The following AGPAT4 variants were observed in gnomAD, a reference collection of about 807,000 sequenced individuals.
The protein encoded by AGPAT4 is 1-acyl-sn-glycerol-3-phosphate acyltransferase delta.
AGPAT4 carries 15 observed loss-of-function variants against 48.0 expected under a neutral mutation model. The observed-to-expected ratio is 0.31, with a 90% CI of 0.21 to 0.48. The LOEUF is 0.48. AGPAT4 is among the 20% of genes least tolerant of loss of function. The pLI, the probability that AGPAT4 is intolerant of heterozygous loss-of-function variation, is 0.99. For synonymous variants in AGPAT4, 178 were observed against 198.7 expected, an observed-to-expected ratio of 0.90 and a Z score of 0.88; for missense variants, 314 against 482.5, an observed-to-expected ratio of 0.65 and a Z score of 3.27.
intron 2 of AGPAT4, among the ~76,000 whole-genome samples, chr6:161,227,779 C>A (rs192962112): frequency 6.6e-6 from 1 of 152,192 alleles, no homozygotes. Flanking sequence ...CACCACTACA[C>A]GCAGTAGTGT....
chr6:161,200,815 T>A lies in AGPAT4; in HGVS notation c.178+31221A>T, dbSNP rs986139420. On this transcript the variant is annotated intron_variant, in intron 2 of 8. Transcript: ENST00000320285. The surrounding 1 kb of genome is among the most constrained non-coding windows in gnomAD (Gnocchi z 5.5). Reference sequence around the variant, plus strand: ...TGGCTCTTGTCTCTGAGAAGGTTATTCTATTTGGCCACAATTTCTGATCCA... The same window carrying A: ...TGGCTCTTGTCTCTGAGAAGGTTATACTATTTGGCCACAATTTCTGATCCA... 5.9e-5 allele frequency among the ~76,000 whole-genome samples: 9 copies of A among 152,148 alleles called. No individual in the cohort carries two copies. The highest frequency in any genetic ancestry group is 1.9e-4 in the African/African-American group (8 of 41,430).
In AGPAT4 at chr6:161,154,481, T is replaced by C. The variant is rs1423905224; in HGVS notation, c.349-171A>G. Reference sequence around the variant, plus strand: ...ATGGACCCTGGTGCCCTCCCCACCTTTCAGCTAGAGGTCCAGGTTGTGCTT... The same window carrying C: ...ATGGACCCTGGTGCCCTCCCCACCTCTCAGCTAGAGGTCCAGGTTGTGCTT... On this transcript the variant is annotated intron_variant, in intron 3 of 8. Transcript: ENST00000320285. This position sits in a 1 kb window ranked among gnomAD's most constrained non-coding sequence, Gnocchi z 7.8. 6.6e-6 allele frequency among the ~76,000 whole-genome samples: 1 copy of C among 152,044 alleles called. No individual in the cohort carries two copies. Among genetic ancestry groups the C allele is most frequent in the East Asian group, 1.9e-4 (1 of 5,156 alleles).
In AGPAT4 at chr6:161,216,178, C is replaced by T. The variant is rs1781642600; in HGVS notation, c.178+15858G>A. On this transcript the variant is annotated intron_variant, in intron 2 of 8. Coordinates refer to ENST00000320285, the MANE Select transcript of AGPAT4 (RefSeq NM_020133.3). This position sits in a 1 kb window ranked among gnomAD's most constrained non-coding sequence, Gnocchi z 4.8. ...AGACTAACACTCTTAGACACAAATA[C>T]AAGTTGGAGATGTCTCTGAAAGGGT... Among the ~76,000 whole-genome samples, 1 of 152,198 alleles carries T rather than the reference C, an allele frequency of 6.6e-6. No individual in the cohort carries two copies. Among genetic ancestry groups the T allele is most frequent in the South Asian group, 2.1e-4 (1 of 4,820 alleles).
rs1582908676 is a variant in AGPAT4, at chr6:161,249,466, CG to C, written c.-89-17165del. On this transcript the variant is annotated intron_variant, in intron 1 of 8. Coordinates refer to ENST00000320285, the MANE Select transcript of AGPAT4 (RefSeq NM_020133.3). The surrounding 1 kb of genome is among the most constrained non-coding windows in gnomAD (Gnocchi z 6.2). ...TCCATAAGGAACTTAAATAAATTTA[CG>C]AGAAAAAACACACAACCCCATTAAA... Among the ~76,000 whole-genome samples, 1 of 151,900 alleles carries C rather than the reference CG, an allele frequency of 6.6e-6. No individual in the cohort carries two copies. The highest frequency in any genetic ancestry group is 1.5e-5 in the Non-Finnish European group (1 of 68,000).
In AGPAT4 at chr6:161,225,914, T is replaced by C. The variant is rs1176052446; in HGVS notation, c.178+6122A>G. On this transcript the variant is annotated intron_variant, in intron 2 of 8. Coordinates refer to ENST00000320285, the MANE Select transcript of AGPAT4 (RefSeq NM_020133.3). The surrounding 1 kb of genome is among the most constrained non-coding windows in gnomAD (Gnocchi z 5.0). ...GAGAGGCTTTAAATTCCCTTCATCA[T>C]GGGTCACGGGTCTTTTAAATTCCTT... is the stretch of plus-strand genomic sequence containing the variant. Among the ~76,000 whole-genome samples the C allele has an allele frequency of 6.6e-6, 1 of 152,178 alleles. No homozygotes were observed. Among genetic ancestry groups the C allele is most frequent in the African/African-American group, 2.4e-5 (1 of 41,434 alleles).
At chr6:161,175,643 A>G (rs1044392093) in intron 2 of AGPAT4, among the ~76,000 whole-genome samples, 2 of 151,954 alleles carry the variant, frequency 1.3e-5, no homozygotes, top group Admixed American at 6.6e-5. Context: ...TCCTTCAGTT[A>G]TGCTGTGATC....
In AGPAT4 at chr6:161,236,584, G is replaced by A. The variant is rs1413980648; in HGVS notation, c.-89-4282C>T. ...CGGTTACCTCTGGGGGCAGACAAGT[G>A]ACCCGATGAGGGCTTAAAGCAGTAA... On this transcript the variant is annotated intron_variant, in intron 1 of 8. Coordinates refer to ENST00000320285, the MANE Select transcript of AGPAT4 (RefSeq NM_020133.3). The surrounding 1 kb of genome is among the most constrained non-coding windows in gnomAD (Gnocchi z 5.0). 6.6e-6 allele frequency among the ~76,000 whole-genome samples: 1 copy of A among 152,058 alleles called. No individual in the cohort carries two copies. Among genetic ancestry groups the A allele is most frequent in the Non-Finnish European group, 1.5e-5 (1 of 68,002 alleles).
At chr6:161,241,747 T>C (rs1002744300) in intron 1 of AGPAT4, among the ~76,000 whole-genome samples, 1 of 152,210 alleles carries the variant, frequency 6.6e-6, no homozygotes, top group Non-Finnish European at 1.5e-5. Context: ...TTTTGTTTGT[T>C]TTTGAGATGG....
At position 161,166,453 on chromosome 6, in the gene AGPAT4, T is replaced by C; in HGVS notation, c.179-36A>G. On this transcript the variant is annotated intron_variant, in intron 2 of 8. Coordinates refer to ENST00000320285, the MANE Select transcript of AGPAT4 (RefSeq NM_020133.3). The surrounding 1 kb of genome is among the most constrained non-coding windows in gnomAD (Gnocchi z 6.7). ...CCACAACAGACAGATGTTTACTACA[T>C]GCAGCCTTGTCCTGGGAGCCCTGCT... 1 of 1,563,436 alleles carries C rather than the reference T, an allele frequency of 6.4e-7. No individual in the cohort carries two copies. Among genetic ancestry groups the C allele is most frequent in the Non-Finnish European group, 8.7e-7 (1 of 1,153,850 alleles).
rs1311641855 is a variant in AGPAT4 at position 161,140,461 on chromosome 6, C to A, written c.844-841G>T. On this transcript the variant is annotated intron_variant, in intron 7 of 8. Transcript: ENST00000320285. The surrounding 1 kb of genome is among the most constrained non-coding windows in gnomAD (Gnocchi z 6.5). The stretch of plus-strand genomic sequence containing the variant: ...AGAGCCTCATGGCGCTCCTTGCAGT[C>A]CCTGGGTGAGAACAGGGGACTCACG... Among the ~76,000 whole-genome samples the A allele has an allele frequency of 6.6e-6, 1 of 152,230 alleles. No homozygotes were observed. The highest frequency in any genetic ancestry group is 2.4e-5 in the African/African-American group (1 of 41,452).
Position 161,270,643 on chromosome 6 carries a change from G to A in AGPAT4, c.-90+3295C>T, listed in dbSNP as rs113384860. ...AAAATAAAAAATAAATTAGCTGGGC[G>A]TGGTGCCACATGCTTGTGATCCCAG... On this transcript the variant is annotated intron_variant, in intron 1 of 8. Coordinates refer to ENST00000320285, the MANE Select transcript of AGPAT4 (RefSeq NM_020133.3). The surrounding 1 kb of genome is among the most constrained non-coding windows in gnomAD (Gnocchi z 5.3). Among the ~76,000 whole-genome samples the A allele has an allele frequency of 0.01, 1,543 of 152,214 alleles. 22 individuals are homozygous for A. The highest frequency in any genetic ancestry group is 0.032 in the East Asian group (168 of 5,172).
chr6:161,232,702 C>T lies in AGPAT4; in HGVS notation c.-89-400G>A, dbSNP rs1330251575. Among the ~76,000 whole-genome samples the T allele has an allele frequency of 6.6e-6, 1 of 152,174 alleles. No homozygotes were observed. The highest frequency in any genetic ancestry group is 1.5e-5 in the Non-Finnish European group (1 of 68,026). On this transcript the variant is annotated intron_variant, in intron 1 of 8. Transcript: ENST00000320285. The surrounding 1 kb of genome is among the most constrained non-coding windows in gnomAD (Gnocchi z 6.8). ...ATCCGGCCTCCCCTCCTGCTGCCAT[C>T]GCGGCCTGAGCCCCATTCTCTCACC...
intron 2 of AGPAT4, among the ~76,000 whole-genome samples, chr6:161,207,625 G>A (rs973793098): frequency 7.9e-5 from 12 of 152,332 alleles, no homozygotes; most frequent in South Asian, 2.1e-4. Flanking sequence ...CTGCGGAGGC[G>A]GAGAGAGATG....
chr6:161,240,579 T>A lies in AGPAT4; in HGVS notation c.-89-8277A>T, dbSNP rs1782455933. On this transcript the variant is annotated intron_variant, in intron 1 of 8. Coordinates refer to ENST00000320285, the MANE Select transcript of AGPAT4 (RefSeq NM_020133.3). The surrounding 1 kb of genome is among the most constrained non-coding windows in gnomAD (Gnocchi z 5.5). ...GGCAAAGAGAGCAGCACAGCTAAAG[T>A]GGGGACAGCTGGCAGATTGTTTCTG... Among the ~76,000 whole-genome samples, 1 of 152,120 alleles carries A rather than the reference T, an allele frequency of 6.6e-6. No homozygotes were observed. The highest frequency in any genetic ancestry group is 1.5e-5 in the Non-Finnish European group (1 of 68,018).
chr6:161,193,605 G>A (rs1780985133), intron 2 of AGPAT4, among the ~76,000 whole-genome samples: 1 of 152,106 alleles, frequency 6.6e-6, no homozygotes, highest in African/African-American at 2.4e-5. Flanking sequence ...CCTTCCTTTT[G>A]GTTCATCTTT....
chr6:161,249,377 C>G lies in AGPAT4; in HGVS notation c.-89-17075G>C, dbSNP rs1165755823. Among the ~76,000 whole-genome samples the G allele has an allele frequency of 6.6e-6, 1 of 152,164 alleles. No individual in the cohort carries two copies. The highest frequency in any genetic ancestry group is 2.4e-5 in the African/African-American group (1 of 41,448). On this transcript the variant is annotated intron_variant, in intron 1 of 8. Transcript: ENST00000320285. This position sits in a 1 kb window ranked among gnomAD's most constrained non-coding sequence, Gnocchi z 6.2. Reference sequence around the variant, plus strand: ...GGAAACTATCAACTAAGTGAACAGACAACCTACAGAATGGGATGATATATT... The same window carrying G: ...GGAAACTATCAACTAAGTGAACAGAGAACCTACAGAATGGGATGATATATT...
intron 2 of AGPAT4, among the ~76,000 whole-genome samples, chr6:161,167,589 C>T (rs1018384776): frequency 2.6e-5 from 4 of 152,164 alleles, no homozygotes; most frequent in African/African-American, 9.7e-5. Flanking sequence ...CACTCCCTCC[C>T]CACCCCATCC....
At position 161,137,877 on chromosome 6, in the gene AGPAT4, C is replaced by T. The variant is rs1014518424; in HGVS notation, c.1043-1243G>A. Among the ~76,000 whole-genome samples, 1 of 151,890 alleles carries T rather than the reference C, an allele frequency of 6.6e-6. No individual in the cohort carries two copies. The highest frequency in any genetic ancestry group is 2.4e-5 in the African/African-American group (1 of 41,328). ...CTCCTGAAGACTCCCTGTGTCCATACTGCACCCCTCAGATGCTCCTGGAGA... is the reference window on the plus strand; with the variant it reads ...CTCCTGAAGACTCCCTGTGTCCATATTGCACCCCTCAGATGCTCCTGGAGA... On this transcript the variant is annotated intron_variant, in intron 8 of 8. Transcript: ENST00000320285. The surrounding 1 kb of genome is among the most constrained non-coding windows in gnomAD (Gnocchi z 6.1).
rs772344999 is a variant in AGPAT4 at position 161,255,197 on chromosome 6, T to C, written c.-90+18741A>G. Among the ~76,000 whole-genome samples, 6 of 152,230 alleles carry C rather than the reference T, an allele frequency of 3.9e-5. No homozygotes were observed. The highest frequency in any genetic ancestry group is 5.9e-5 in the Non-Finnish European group (4 of 68,034). On this transcript the variant is annotated intron_variant, in intron 1 of 8. Transcript: ENST00000320285. This position sits in a 1 kb window ranked among gnomAD's most constrained non-coding sequence, Gnocchi z 4.7. ...CCTTCATTAGCTCTATGATAATGGC[T>C]TGACGTAGGTCCAAAGAGCAAAGGA... is the stretch of plus-strand genomic sequence containing the variant.
Sources: gnomAD v4.1 joint callset for allele counts (sites outside exome capture counted in the v4.1 genomes callset) on GRCh38, gnomAD v4.1.1 for gene constraint, Gnocchi (gnomAD v3.1) non-coding constraint, MANE v1.5 for transcripts, NCBI Gene and HGNC (gene_info 2026-07-23, HGNC 2026-07-21) for gene names.